The following MNAT1 variants were observed in gnomAD, a reference collection of about 807,000 sequenced individuals.
MNAT1 encodes the protein MNAT1 component of CDK activating kinase.
In MNAT1, 43 loss-of-function variants were observed where a neutral mutation model predicts 42.0. The observed-to-expected ratio is 1.02, with a 90% CI of 0.80 to 1.32. The LOEUF (loss-of-function observed/expected upper bound fraction) is 1.32. Among genes scored for constraint, MNAT1 ranks in the 40% most tolerant of loss-of-function variants. The pLI, the probability that MNAT1 is intolerant of heterozygous loss-of-function variation, is 0.00. For missense variants in MNAT1, 306 were observed against 350.4 expected, an observed-to-expected ratio of 0.87 and a Z score of 1.01; for synonymous variants, 118 against 120.0, an observed-to-expected ratio of 0.98 and a Z score of 0.11.
intron 7 of MNAT1, among the ~76,000 whole-genome samples, chr14:60,944,793 T>TA (rs1368821537): frequency 2.0e-5 from 3 of 152,240 alleles, no homozygotes; most frequent in Non-Finnish European, 4.4e-5. Context: ...CTAGAACTCA[T>TA]AATTTTCTAG....
chr14:60,807,587 A>G (rs2032412368), intron 3 of MNAT1, among the ~76,000 whole-genome samples: 1 of 152,206 alleles, frequency 6.6e-6, no homozygotes, highest in Non-Finnish European at 1.5e-5. Flanking sequence ...AATTGTTCAG[A>G]GTATTATAGT....
At chr14:60,928,794 CAT>C (rs376676267) in intron 7 of MNAT1, among the ~76,000 whole-genome samples, 1 of 151,362 alleles carries the variant, frequency 6.6e-6, no homozygotes, top group African/African-American at 2.4e-5. Context: ...AAGCACTTGC[CAT>C]ATATATATAT....
chr14:60,866,270 T>C (rs1268127123), intron 6 of MNAT1, among the ~76,000 whole-genome samples: 3 of 150,752 alleles, frequency 2.0e-5, no homozygotes, highest in South Asian at 2.1e-4. Context: ...GTATACTTTA[T>C]AGGCAATTTG....
At chr14:60,757,982 G>T (rs1208736854) in intron 1 of MNAT1, among the ~76,000 whole-genome samples, 1 of 152,158 alleles carries the variant, frequency 6.6e-6, no homozygotes, top group Non-Finnish European at 1.5e-5. Flanking sequence ...TATGATGAGT[G>T]TTGTTGGAAC....
intron 1 of MNAT1, among the ~76,000 whole-genome samples, chr14:60,763,056 G>A (rs1050646697): frequency 6.6e-6 from 1 of 151,966 alleles, no homozygotes; most frequent in Non-Finnish European, 1.5e-5. Context: ...TTCTTTTAAA[G>A]CTGTTTCAGC....
intron 1 of MNAT1, among the ~76,000 whole-genome samples, chr14:60,754,856 C>G (rs1469346809): frequency 6.6e-6 from 1 of 152,096 alleles, no homozygotes; most frequent in Non-Finnish European, 1.5e-5. Flanking sequence ...CTGTCATTGA[C>G]TAAGGTCTGG....
chr14:60,782,147 A>G (rs187071376), intron 1 of MNAT1, among the ~76,000 whole-genome samples: 1 of 152,156 alleles, frequency 6.6e-6, no homozygotes, highest in African/African-American at 2.4e-5. Context: ...CAATGAAATA[A>G]GGCTGTTTGA....
At chr14:60,817,055 A>G (rs1295769322) in intron 5 of MNAT1, among the ~76,000 whole-genome samples, 2 of 151,982 alleles carry the variant, frequency 1.3e-5, no homozygotes, top group Non-Finnish European at 2.9e-5. Flanking sequence ...AGGAAATACC[A>G]GTTAAAGAAG....
intron 1 of MNAT1, among the ~76,000 whole-genome samples, chr14:60,784,496 C>G (rs745863823): frequency 6.6e-6 from 1 of 151,162 alleles, no homozygotes; most frequent in South Asian, 2.1e-4. Context: ...TTTTTTCCCC[C>G]GCAAGACAGA....
intron 6 of MNAT1, among the ~76,000 whole-genome samples, chr14:60,845,876 A>T (rs905890525): frequency 1.3e-5 from 2 of 152,076 alleles, no homozygotes; most frequent in Non-Finnish European, 2.9e-5. Flanking sequence ...TATGAGGATA[A>T]TATTGACCCC....
chr14:60,888,655 A>G (rs1008179689), intron 7 of MNAT1, among the ~76,000 whole-genome samples: 10 of 149,042 alleles, frequency 6.7e-5, no homozygotes, highest in Non-Finnish European at 1.2e-4. Flanking sequence ...AGGAAGTCAA[A>G]TTGTCCCTGT....
intron 7 of MNAT1, among the ~76,000 whole-genome samples, chr14:60,914,829 A>G (rs1230869730): frequency 1.3e-5 from 2 of 152,228 alleles, no homozygotes; most frequent in Admixed American, 6.5e-5. Flanking sequence ...TATTGAAGCT[A>G]GAATCAAATG....
At chr14:60,811,597 G>A (rs1400473891) in intron 4 of MNAT1, among the ~76,000 whole-genome samples, 1 of 151,856 alleles carries the variant, frequency 6.6e-6, no homozygotes. Context: ...CCGCTGCGTA[G>A]GGCTCTTATT....
chr14:60,779,784 C>G (rs1594747747), intron 1 of MNAT1, among the ~76,000 whole-genome samples: 1 of 142,384 alleles, frequency 7.0e-6, no homozygotes, highest in East Asian at 2.0e-4. Context: ...GACTCCGTCT[C>G]AAAGAAAAAA....
chr14:60,812,795 G>A (rs751061707), intron 5 of MNAT1, among the ~76,000 whole-genome samples: 10 of 152,110 alleles, frequency 6.6e-5, no homozygotes, highest in East Asian at 1.9e-4. Flanking sequence ...CGGGGAAGAC[G>A]ACTTGCTCTT....
Position 60,833,756 on chromosome 14 carries a change from G to A in MNAT1, c.687+14909G>A, listed in dbSNP as rs142257443. Among the ~76,000 whole-genome samples the A allele has an allele frequency of 1.6e-3, 243 of 152,274 alleles. 1 individual carries two copies. The highest frequency in any genetic ancestry group is 5.6e-3 in the African/African-American group (233 of 41,552). On this transcript the variant is annotated intron_variant, in intron 6 of 7. Coordinates refer to ENST00000261245, the MANE Select transcript of MNAT1 (RefSeq NM_002431.4). ...TATAGTTTCAGGAGGAATGGTACCA[G>A]CTCCCCTTTGTACCTCTGGTAGTAT...
At chr14:60,778,171 A>C (rs1425698394) in intron 1 of MNAT1, among the ~76,000 whole-genome samples, 1 of 152,148 alleles carries the variant, frequency 6.6e-6, no homozygotes, top group Non-Finnish European at 1.5e-5. Context: ...TATTGGTCAG[A>C]GTGAAATGAC....
At chr14:60,887,679 C>A (rs566611382) in intron 7 of MNAT1, among the ~76,000 whole-genome samples, 1 of 151,436 alleles carries the variant, frequency 6.6e-6, no homozygotes, top group Non-Finnish European at 1.5e-5. Context: ...TGAAAGGATC[C>A]ACAAAATTGA....
At chr14:60,861,452 C>G (rs2034092530) in intron 6 of MNAT1, among the ~76,000 whole-genome samples, 1 of 151,972 alleles carries the variant, frequency 6.6e-6, no homozygotes, top group Non-Finnish European at 1.5e-5. Context: ...ATATTTGGCA[C>G]TATGTATGAA....
Sources: gnomAD v4.1 joint callset for allele counts (sites outside exome capture counted in the v4.1 genomes callset) on GRCh38, gnomAD v4.1.1 for gene constraint, MANE v1.5 for transcripts, NCBI Gene and HGNC (gene_info 2026-07-23, HGNC 2026-07-21) for gene names.